The following CNTNAP2 variants were observed in gnomAD, a reference collection of about 807,000 sequenced individuals.
CNTNAP2 encodes contactin associated protein 2.
A neutral mutation model predicts 155.2 loss-of-function variants in CNTNAP2; 98 were observed. The observed-to-expected ratio is 0.63, with a 90% CI of 0.54 to 0.75. CNTNAP2 has a LOEUF of 0.75. CNTNAP2 is among the 30% of genes least tolerant of loss of function. The pLI is 0.00. For missense variants in CNTNAP2, 1,727 were observed against 1,688.1 expected (o/e 1.02, Z -0.40); for synonymous variants, 651 against 631.2 (o/e 1.03, Z -0.47).
Position 147,180,396 on chromosome 7 carries a change from T to G in CNTNAP2, c.1348+47887T>G, listed in dbSNP as rs73473013. On this transcript the variant is annotated intron_variant, in intron 8 of 23. Transcript: ENST00000361727. Reference sequence around the variant, plus strand: ...CTTTGGAGTATATCACAACTCCAATTTAGTACATTTTGTTATTAGATACCA... The same window carrying G: ...CTTTGGAGTATATCACAACTCCAATGTAGTACATTTTGTTATTAGATACCA... Among the ~76,000 whole-genome samples, 598 of 152,254 alleles carry G rather than the reference T, an allele frequency of 3.9e-3. 4 individuals are homozygous for G. Among genetic ancestry groups the G allele is most frequent in the African/African-American group, 0.014 (579 of 41,558 alleles).
chr7:146,121,401 G>A (rs1797561749), intron 1 of CNTNAP2, among the ~76,000 whole-genome samples: 1 of 151,920 alleles, frequency 6.6e-6, no homozygotes, highest in Admixed American at 6.6e-5. Context: ...GTTGTAAATG[G>A]TATACAGAAT....
chr7:148,101,421 G>C (rs936932396), intron 15 of CNTNAP2, among the ~76,000 whole-genome samples: 7 of 151,000 alleles, frequency 4.6e-5, no homozygotes, highest in Admixed American at 4.6e-4. Flanking sequence ...GAAGGTAAAA[G>C]ATTAAGGAGA....
intron 1 of CNTNAP2, among the ~76,000 whole-genome samples, chr7:146,569,748 G>C (rs1798413183): frequency 6.6e-6 from 1 of 152,164 alleles, no homozygotes; most frequent in African/African-American, 2.4e-5. Flanking sequence ...AGGAAAAAAA[G>C]GCAAAATTCC....
intron 1 of CNTNAP2, among the ~76,000 whole-genome samples, chr7:146,244,824 T>G (rs1799618917): frequency 6.6e-6 from 1 of 152,080 alleles, no homozygotes; most frequent in African/African-American, 2.4e-5. Context: ...ACTCTACCTA[T>G]CCAGTGAAAG....
intron 1 of CNTNAP2, among the ~76,000 whole-genome samples, chr7:146,759,390 T>A (rs905819694): frequency 6.6e-6 from 1 of 151,932 alleles, no homozygotes; most frequent in African/African-American, 2.4e-5. Flanking sequence ...GATGAACAGA[T>A]TATATTTTTT....
intron 9 of CNTNAP2, among the ~76,000 whole-genome samples, chr7:147,310,198 C>T (rs528338087): frequency 4.4e-4 from 67 of 152,208 alleles, no homozygotes; most frequent in African/African-American, 1.6e-3. Flanking sequence ...TGATATTCTA[C>T]ATGCCTTTGC....
At chr7:147,771,283 G>A (rs1048775948) in intron 13 of CNTNAP2, among the ~76,000 whole-genome samples, 1 of 152,050 alleles carries the variant, frequency 6.6e-6, no homozygotes, top group South Asian at 2.1e-4. Context: ...ATAACCTCAG[G>A]TTAGAACATA....
At chr7:147,548,605 G>A (rs1799788568) in intron 11 of CNTNAP2, among the ~76,000 whole-genome samples, 1 of 152,136 alleles carries the variant, frequency 6.6e-6, no homozygotes, top group African/African-American at 2.4e-5. Flanking sequence ...ACGCTCTTCA[G>A]TTTAATTAGA....
chr7:146,565,336 T>A (rs1798341072), intron 1 of CNTNAP2, among the ~76,000 whole-genome samples: 1 of 152,292 alleles, frequency 6.6e-6, no homozygotes, highest in East Asian at 1.9e-4. Context: ...AAAAAATAAG[T>A]ACTCCTCTTT....
At chr7:148,113,953 C>G (rs572741293) in intron 15 of CNTNAP2, among the ~76,000 whole-genome samples, 1 of 152,348 alleles carries the variant, frequency 6.6e-6, no homozygotes, top group South Asian at 2.1e-4. Context: ...TATCTTCCCT[C>G]TCAGTTTCCA....
chr7:147,893,921 T>C (rs1799733505), intron 13 of CNTNAP2, among the ~76,000 whole-genome samples: 1 of 152,092 alleles, frequency 6.6e-6, no homozygotes, highest in Admixed American at 6.5e-5. Flanking sequence ...GGGGTTCCCA[T>C]CAGGTTTAGC....
chr7:146,441,933 G>A (rs531300692), intron 1 of CNTNAP2, among the ~76,000 whole-genome samples: 1 of 151,620 alleles, frequency 6.6e-6, no homozygotes, highest in Admixed American at 6.6e-5. Flanking sequence ...TATCTTCCTT[G>A]TAAGCTTGAC....
intron 13 of CNTNAP2, among the ~76,000 whole-genome samples, chr7:147,868,807 C>T (rs765072243): frequency 5.9e-5 from 9 of 152,220 alleles, no homozygotes; most frequent in African/African-American, 9.7e-5. Flanking sequence ...CCTTGTCTGC[C>T]GGTTGCTAAG....
chr7:147,281,113 T>C (rs865905711), intron 8 of CNTNAP2, among the ~76,000 whole-genome samples: 1 of 151,932 alleles, frequency 6.6e-6, no homozygotes, highest in African/African-American at 2.4e-5. Flanking sequence ...TGGTCACTTA[T>C]TAAATTTTTG....
In CNTNAP2 at chr7:147,981,670, G is replaced by C. The variant is rs571271906; in HGVS notation, c.2383+3681G>C. ...ATCATGCCTGCTGAGTTTCATTTTTGCTTTGATTCGTCTGAACTCAGACCC... is the reference window on the plus strand; with the variant it reads ...ATCATGCCTGCTGAGTTTCATTTTTCCTTTGATTCGTCTGAACTCAGACCC... On this transcript the variant is annotated intron_variant, in intron 15 of 23. Coordinates refer to ENST00000361727, the MANE Select transcript of CNTNAP2 (RefSeq NM_014141.6). 7.9e-5 allele frequency among the ~76,000 whole-genome samples: 12 copies of C among 152,096 alleles called. No individual in the cohort carries two copies. In the South Asian group the frequency reaches 2.5e-3, roughly 32 times the overall value.
intron 13 of CNTNAP2, among the ~76,000 whole-genome samples, chr7:147,835,687 G>A (rs1798621223): frequency 6.6e-6 from 1 of 152,266 alleles, no homozygotes; most frequent in South Asian, 2.1e-4. Flanking sequence ...ACCTTACTTG[G>A]AAACAGGGTT....
chr7:146,959,927 C>G (rs981763882), intron 3 of CNTNAP2, among the ~76,000 whole-genome samples: 4 of 152,066 alleles, frequency 2.6e-5, no homozygotes, highest in African/African-American at 9.7e-5. Context: ...AGACTAGGAG[C>G]ATCTAGGCTG....
chr7:147,889,528 T>A (rs1268899381), intron 13 of CNTNAP2, among the ~76,000 whole-genome samples: 1 of 152,152 alleles, frequency 6.6e-6, no homozygotes, highest in Non-Finnish European at 1.5e-5. Context: ...TTCAGAGCAT[T>A]ACAATAGCAT....
At chr7:146,302,587 C>A (rs376585236) in intron 1 of CNTNAP2, among the ~76,000 whole-genome samples, 1 of 152,052 alleles carries the variant, frequency 6.6e-6, no homozygotes. Context: ...CACAATATTG[C>A]GTATCTAAAA....
Sources: allele counts gnomAD v4.1 joint callset (sites outside exome capture counted in the v4.1 genomes callset), GRCh38; gene constraint gnomAD v4.1.1; transcripts MANE v1.5; gene names NCBI Gene and HGNC (gene_info 2026-07-23, HGNC 2026-07-21).